Variants in GRID1 observed in about 807,000 individuals in gnomAD.
The protein encoded by GRID1 is glutamate receptor ionotropic, delta-1.
Under a neutral mutation model 98.0 loss-of-function variants are expected in GRID1, and 28 were observed. The observed-to-expected ratio is 0.29, with a 90% confidence interval of 0.21 to 0.39. The LOEUF (loss-of-function observed/expected upper bound fraction) is 0.39, where lower values mean the gene tolerates loss of function less well. Among genes scored for constraint, GRID1 ranks in the 10% least tolerant of loss-of-function variants. The pLI is 1.00. For synonymous variants in GRID1, 553 were observed against 538.5 expected, an observed-to-expected ratio of 1.03 and a Z score of -0.37; for missense variants, 1,111 against 1,340.5, an observed-to-expected ratio of 0.83 and a Z score of 2.67.
intron 2 of GRID1, among the ~76,000 whole-genome samples, chr10:86,321,518 A>G (rs1179056507): frequency 6.6e-6 from 1 of 152,228 alleles, no homozygotes; most frequent in African/African-American, 2.4e-5. Context: ...GGAATCATGA[A>G]GAATGCTTGC....
At chr10:86,118,989 C>G (rs1342979215) in intron 4 of GRID1, among the ~76,000 whole-genome samples, 1 of 152,102 alleles carries the variant, frequency 6.6e-6, no homozygotes, top group Non-Finnish European at 1.5e-5. Context: ...ATGTGGTATC[C>G]TGGATAGGAT....
intron 2 of GRID1, among the ~76,000 whole-genome samples, chr10:86,313,337 T>TC (rs1488140015): frequency 3.3e-5 from 5 of 152,246 alleles, no homozygotes; most frequent in African/African-American, 1.2e-4. Context: ...CCTGAGATGT[T>TC]GACAGATAAG....
intron 15 of GRID1, among the ~76,000 whole-genome samples, chr10:85,610,032 G>C (rs951448377): frequency 6.6e-6 from 1 of 152,176 alleles, no homozygotes; most frequent in Non-Finnish European, 1.5e-5. Context: ...TCTAAACTGT[G>C]ACGACATCCT....
At chr10:86,336,200 G>A (rs1195507633) in intron 2 of GRID1, among the ~76,000 whole-genome samples, 3 of 152,210 alleles carry the variant, frequency 2.0e-5, no homozygotes, top group Non-Finnish European at 4.4e-5. Flanking sequence ...TGTCTAAGAA[G>A]GAGATTGTTT....
chr10:86,273,424 A>AT (rs1195980410), intron 2 of GRID1, among the ~76,000 whole-genome samples: 22 of 149,198 alleles, frequency 1.5e-4, no homozygotes, highest in Non-Finnish European at 2.7e-4. Flanking sequence ...TTGGGTATAT[A>AT]CCCAGTAATG....
intron 2 of GRID1, among the ~76,000 whole-genome samples, chr10:86,360,681 C>A (rs1012332997): frequency 6.6e-6 from 1 of 152,164 alleles, no homozygotes; most frequent in Non-Finnish European, 1.5e-5. Context: ...TACAGAACAC[C>A]CACCGCAGGC....
chr10:86,354,575 A>T (rs1051863742), intron 2 of GRID1, among the ~76,000 whole-genome samples: 5 of 152,212 alleles, frequency 3.3e-5, no homozygotes, highest in African/African-American at 1.2e-4. Context: ...CATTTCACAG[A>T]TGTTGAGACT....
At chr10:86,008,210 T>A (rs2131879449) in intron 4 of GRID1, among the ~76,000 whole-genome samples, 1 of 152,184 alleles carries the variant, frequency 6.6e-6, no homozygotes, top group African/African-American at 2.4e-5. Flanking sequence ...AGCAGGGCCT[T>A]AGGAAAGAAG....
intron 2 of GRID1, among the ~76,000 whole-genome samples, chr10:86,329,886 G>A (rs1443272217): frequency 6.6e-6 from 1 of 152,156 alleles, no homozygotes; most frequent in African/African-American, 2.4e-5. Context: ...TGCCCTTCCA[G>A]GCCAGCCTGT....
intron 2 of GRID1, among the ~76,000 whole-genome samples, chr10:86,306,367 T>C (rs1429937730): frequency 2.0e-5 from 3 of 152,214 alleles, no homozygotes; most frequent in Non-Finnish European, 4.4e-5. Context: ...GAAAGCTCTT[T>C]GTTCAGGTAA....
chr10:85,676,949 T>C (rs1358593308), intron 12 of GRID1, among the ~76,000 whole-genome samples: 1 of 152,104 alleles, frequency 6.6e-6, no homozygotes, highest in Non-Finnish European at 1.5e-5. Flanking sequence ...GGGGTAGTAA[T>C]AAAATAAATA....
intron 12 of GRID1, among the ~76,000 whole-genome samples, chr10:85,707,969 C>G (rs1302120889): frequency 6.7e-6 from 1 of 148,560 alleles, no homozygotes; most frequent in Non-Finnish European, 1.5e-5. Flanking sequence ...GTTGTGGGGT[C>G]GGGGGTGTGG....
chr10:85,713,871 T>C (rs1268566106), intron 12 of GRID1, among the ~76,000 whole-genome samples: 2 of 151,950 alleles, frequency 1.3e-5, no homozygotes, highest in African/African-American at 4.8e-5. Flanking sequence ...AAAGGCTATA[T>C]ATGAAGCCTA....
rs76083327 is a variant in GRID1, at chr10:85,710,031, T to C, written c.1997+12972A>G. ...TATGCTAATGGATTGGAAGACTTAA[T>C]ATTTTAAGATGGCAATACTGTTCAG... On this transcript the variant is annotated intron_variant, in intron 12 of 15. Transcript: ENST00000327946. Among the ~76,000 whole-genome samples, 29 of 152,308 alleles carry C rather than the reference T, an allele frequency of 1.9e-4. No homozygotes were observed. The East Asian group carries it at 5.4e-3, about 28-fold the overall frequency.
intron 8 of GRID1, among the ~76,000 whole-genome samples, chr10:85,769,300 A>G (rs2132708092): frequency 6.6e-6 from 1 of 152,358 alleles, no homozygotes; most frequent in Non-Finnish European, 1.5e-5. Flanking sequence ...TAAGTGGGAG[A>G]TAAATGTGGG....
intron 4 of GRID1, among the ~76,000 whole-genome samples, chr10:86,056,902 G>A (rs979517317): frequency 2.6e-5 from 4 of 152,228 alleles, no homozygotes; most frequent in African/African-American, 9.6e-5. Flanking sequence ...AGCCTCATTT[G>A]AGATGCCACG....
intron 8 of GRID1, among the ~76,000 whole-genome samples, chr10:85,818,978 C>T (rs1842738801): frequency 6.6e-6 from 1 of 152,072 alleles, no homozygotes; most frequent in Admixed American, 6.5e-5. Flanking sequence ...GCCTCAGCCT[C>T]CCAAAGTGCT....
intron 2 of GRID1, among the ~76,000 whole-genome samples, chr10:86,263,537 C>T (rs969555932): frequency 2.6e-5 from 4 of 152,232 alleles, no homozygotes; most frequent in Non-Finnish European, 5.9e-5. Flanking sequence ...CACCTACAGG[C>T]AGCGAGAACA....
intron 8 of GRID1, among the ~76,000 whole-genome samples, chr10:85,779,093 C>A (rs1213632813): frequency 6.6e-6 from 1 of 152,200 alleles, no homozygotes; most frequent in Non-Finnish European, 1.5e-5. Flanking sequence ...ACTTTTATTT[C>A]TTCATGCTGT....
Sources: allele counts gnomAD v4.1 joint callset (sites outside exome capture counted in the v4.1 genomes callset), GRCh38; gene constraint gnomAD v4.1.1; transcripts MANE v1.5; gene names NCBI Gene and HGNC (gene_info 2026-07-23, HGNC 2026-07-21).